The following ITPKB variants were observed in gnomAD, a reference collection of about 807,000 sequenced individuals.
ITPKB encodes the protein IP3 3-kinase B.
Under a neutral mutation model 69.4 loss-of-function variants are expected in ITPKB, and 13 were observed. That is an observed-to-expected ratio of 0.19 (90% CI 0.12 to 0.30). ITPKB has a LOEUF of 0.30. ITPKB is among the 10% of genes least tolerant of loss of function. The pLI is 1.00. For missense variants in ITPKB, 1,240 were observed against 1,250.5 expected, an observed-to-expected ratio of 0.99 and a Z score of 0.13; for synonymous variants, 584 against 513.7, an observed-to-expected ratio of 1.14 and a Z score of -1.85.
intron 2 of ITPKB, among the ~76,000 whole-genome samples, chr1:226,728,442 G>A (rs536995118): frequency 1.3e-5 from 2 of 152,304 alleles, no homozygotes; most frequent in Admixed American, 1.3e-4. Flanking sequence ...GCTTGCCTGT[G>A]AAATGATTGT....
chr1:226,649,374 G>A (rs186850269), intron 2 of ITPKB, among the ~76,000 whole-genome samples: 1,342 of 133,924 alleles, frequency 0.01, 25 homozygotes, highest in African/African-American at 0.035. Flanking sequence ...GTGTGCATGT[G>A]ATTGTGTGCA....
At chr1:226,658,336 G>T (rs1373696881) in intron 2 of ITPKB, among the ~76,000 whole-genome samples, 1 of 152,220 alleles carries the variant, frequency 6.6e-6, no homozygotes, top group East Asian at 1.9e-4. Flanking sequence ...AGCCCAGGCA[G>T]GTAGGGGCCC....
intron 2 of ITPKB, among the ~76,000 whole-genome samples, chr1:226,649,437 G>C (rs1397745566): frequency 1.5e-5 from 2 of 137,080 alleles, no homozygotes; most frequent in African/African-American, 2.8e-5. Context: ...GTGTGCGTAT[G>C]TGTGCGTGTG....
At chr1:226,670,821 T>G (rs1669601257) in intron 2 of ITPKB, among the ~76,000 whole-genome samples, 1 of 152,256 alleles carries the variant, frequency 6.6e-6, no homozygotes, top group Non-Finnish European at 1.5e-5. Flanking sequence ...AGAATACAAA[T>G]TAACCAATTA....
At chr1:226,667,849 TGTGTGC>T (rs1364053410) in intron 2 of ITPKB, among the ~76,000 whole-genome samples, 1 of 151,862 alleles carries the variant, frequency 6.6e-6, no homozygotes, top group Non-Finnish European at 1.5e-5. Context: ...TGTGTGTGTG[TGTGTGC>T]GCGCGCGCGT....
chr1:226,664,380 C>T (rs899290158), intron 2 of ITPKB, among the ~76,000 whole-genome samples: 4 of 152,190 alleles, frequency 2.6e-5, no homozygotes, highest in Admixed American at 6.5e-5. Context: ...AGGAGCTGAA[C>T]GAGAGCCCCT....
intron 2 of ITPKB, among the ~76,000 whole-genome samples, chr1:226,693,179 T>C (rs868801388): frequency 9.2e-5 from 14 of 152,220 alleles, no homozygotes; most frequent in African/African-American, 3.1e-4. Flanking sequence ...CCAGCTCTGC[T>C]TTCTCAGGAG....
Position 226,671,201 on chromosome 1 carries a change from T to C in ITPKB, c.1933-22430A>G, listed in dbSNP as rs1053018094. 3.3e-5 allele frequency among the ~76,000 whole-genome samples: 5 copies of C among 152,254 alleles called. 1 individual carries two copies. The highest frequency in any genetic ancestry group is 4.2e-4 in the South Asian group (2 of 4,816). On this transcript the variant is annotated intron_variant, in intron 2 of 7. Coordinates refer to ENST00000429204, the MANE Select transcript of ITPKB (RefSeq NM_002221.4). ...GCCCAGGAACATTAGTGGAGGACCA[T>C]TCGGATGACAGACAGCAGCTAGACT...
At chr1:226,688,062 C>G (rs1656256587) in intron 2 of ITPKB, among the ~76,000 whole-genome samples, 1 of 152,182 alleles carries the variant, frequency 6.6e-6, no homozygotes. Context: ...AAGTAGAAGC[C>G]ATACCAAGTC....
rs773422944 is a variant in ITPKB, at chr1:226,641,732, G to T, written c.2451+189C>A. Reference sequence around the variant, plus strand: ...GAAGCCACTCTGCTCTGAGGCCTGAGCCCCCTACACAGCCATCCCGCCTGA... The same window carrying T: ...GAAGCCACTCTGCTCTGAGGCCTGATCCCCCTACACAGCCATCCCGCCTGA... On this transcript the variant is annotated intron_variant, in intron 5 of 7. Transcript: ENST00000429204. This position sits in a 1 kb window ranked among gnomAD's most constrained non-coding sequence, Gnocchi z 4.6. Among the ~76,000 whole-genome samples, 1 of 152,256 alleles carries T rather than the reference G, an allele frequency of 6.6e-6. No individual in the cohort carries two copies. The highest frequency in any genetic ancestry group is 2.4e-5 in the African/African-American group (1 of 41,470).
At position 226,641,699 on chromosome 1, in the gene ITPKB, C is replaced by T. The variant is rs1292711401; in HGVS notation, c.2451+222G>A. ...CCTCGGCAGAGGGCTGACAGCTGGG[C>T]AGGGCTAGAAGCCACTCTGCTCTGA... On this transcript the variant is annotated intron_variant, in intron 5 of 7. Transcript: ENST00000429204. The surrounding 1 kb of genome is among the most constrained non-coding windows in gnomAD (Gnocchi z 4.6). Among the ~76,000 whole-genome samples, 1 of 152,388 alleles carries T rather than the reference C, an allele frequency of 6.6e-6. No individual in the cohort carries two copies. The highest frequency in any genetic ancestry group is 1.9e-4 in the East Asian group (1 of 5,180).
chr1:226,732,844 G>A (rs981468866), intron 2 of ITPKB, among the ~76,000 whole-genome samples: 18 of 152,146 alleles, frequency 1.2e-4, no homozygotes, highest in African/African-American at 3.6e-4. Flanking sequence ...CACACTGGGC[G>A]TGTAATGCAA....
intron 2 of ITPKB, among the ~76,000 whole-genome samples, chr1:226,728,548 T>A (rs543857238): frequency 7.0e-4 from 107 of 152,324 alleles, no homozygotes; most frequent in African/African-American, 2.4e-3. Context: ...TGCAAACGTG[T>A]CGTGGTTGAC....
chr1:226,634,851 C>T lies in ITPKB; in HGVS notation c.2661G>A (p.Lys887=). The part of the protein sequence containing the change: ...IGSSLLFIHD[K]KEQAKVWMID... ...TCATCCACACTTTGGCCTGTTCCTT[C>T]TTGTCGTGGATGAAGAGGAGGGAGC... is the stretch of plus-strand genomic sequence containing the variant. The change falls in exon 8 of 8, where the codon AAG becomes AAA. Residue 887 remains lysine, a synonymous_variant. Transcript: ENST00000429204. The surrounding 1 kb of genome is among the most constrained non-coding windows in gnomAD (Gnocchi z 6.3). The T allele has an allele frequency of 6.2e-7, 1 of 1,614,050 alleles. No individual in the cohort carries two copies. Among genetic ancestry groups the T allele is most frequent in the Non-Finnish European group, 8.5e-7 (1 of 1,179,954 alleles).
chr1:226,647,821 G>C (rs966026578), intron 3 of ITPKB, among the ~76,000 whole-genome samples: 1 of 152,250 alleles, frequency 6.6e-6, no homozygotes, highest in South Asian at 2.1e-4. Flanking sequence ...AGGCTGAGAA[G>C]CTGGGGGGCC....
At chr1:226,652,380 T>C (rs1175211817) in intron 2 of ITPKB, among the ~76,000 whole-genome samples, 5 of 152,170 alleles carry the variant, frequency 3.3e-5, no homozygotes, top group African/African-American at 1.2e-4. Flanking sequence ...AAGCACTGGC[T>C]GGAGGAAGCC....
rs1668874299 is a variant in ITPKB at position 226,637,896 on chromosome 1, C to T, written c.2554-146G>A. 13 of 653,302 alleles carry T rather than the reference C, an allele frequency of 2.0e-5. No individual in the cohort carries two copies. The East Asian group carries it at 3.0e-4, about 15-fold the overall frequency. 40.5% of individuals were successfully genotyped at this position (653,302 alleles called of 1,614,324 possible). ...TAGAGGCAGCTTCCTGCGAGCAGGGCTGCTGTGGCGTCTTTCTCAGCATAA... is the reference window on the plus strand; with the variant it reads ...TAGAGGCAGCTTCCTGCGAGCAGGGTTGCTGTGGCGTCTTTCTCAGCATAA... On this transcript the variant is annotated intron_variant, in intron 6 of 7. Coordinates refer to ENST00000429204, the MANE Select transcript of ITPKB (RefSeq NM_002221.4). The surrounding 1 kb of genome is among the most constrained non-coding windows in gnomAD (Gnocchi z 4.3).
chr1:226,645,914 C>T (rs1669053967), intron 4 of ITPKB, among the ~76,000 whole-genome samples: 2 of 152,140 alleles, frequency 1.3e-5, no homozygotes, highest in Non-Finnish European at 2.9e-5. Flanking sequence ...GGCGAGAGAA[C>T]ACAACAGTCA....
In ITPKB at chr1:226,661,242, C is replaced by T. The variant is rs962218100; in HGVS notation, c.1933-12471G>A. ...ACAGAGAGGTAAGGCAGGGCAGGAG[C>T]GCAGCCCATAGCATGCGAGCTGTTC... On this transcript the variant is annotated intron_variant, in intron 2 of 7. Coordinates refer to ENST00000429204, the MANE Select transcript of ITPKB (RefSeq NM_002221.4). Among the ~76,000 whole-genome samples, 15 of 152,088 alleles carry T rather than the reference C, an allele frequency of 9.9e-5. No homozygotes were observed. In the East Asian group the frequency reaches 2.3e-3, roughly 23 times the overall value.
Sources: allele counts gnomAD v4.1 joint callset (sites outside exome capture counted in the v4.1 genomes callset), GRCh38; gene constraint gnomAD v4.1.1; non-coding constraint Gnocchi (gnomAD v3.1); transcripts MANE v1.5; gene names NCBI Gene and HGNC (gene_info 2026-07-23, HGNC 2026-07-21).